PER1: variants seen among roughly 807,000 people sequenced by gnomAD.
The protein encoded by PER1 is period circadian protein homolog 1.
In PER1, 87 loss-of-function variants were observed where a neutral mutation model predicts 125.9. The ratio of observed to expected loss-of-function variants is 0.69; its 90% CI spans 0.58 to 0.83. The LOEUF (loss-of-function observed/expected upper bound fraction) is 0.83, where lower values mean the gene tolerates loss of function less well. PER1 is among the 40% of genes least tolerant of loss of function. PER1 has a pLI of 0.00. For missense variants in PER1, 1,775 were observed against 1,722.8 expected, an observed-to-expected ratio of 1.03 and a Z score of -0.54; for synonymous variants, 801 against 714.7, an observed-to-expected ratio of 1.12 and a Z score of -1.93.
Position 8,149,322 on chromosome 17 carries a change from A to G in PER1, c.854-12T>C. Reference sequence around the variant, plus strand: ...CCTGAGGCCTGAACCTGGGACAGACAGGAGAGGAGTGAGCACAGCTTCCTG... The same window carrying G: ...CCTGAGGCCTGAACCTGGGACAGACGGGAGAGGAGTGAGCACAGCTTCCTG... On this transcript the variant is annotated splice_polypyrimidine_tract_variant and intron_variant, in intron 6 of 22. Coordinates refer to ENST00000317276, the MANE Select transcript of PER1 (RefSeq NM_002616.3). 1 of 1,613,924 alleles carries G rather than the reference A, an allele frequency of 6.2e-7. No individual in the cohort carries two copies. Among genetic ancestry groups the G allele is most frequent in the Non-Finnish European group, 8.5e-7 (1 of 1,179,820 alleles).
chr17:8,144,711 C>T (rs1438599067), intron 18 of PER1, 40 bp downstream of exon 18: 19 of 1,542,980 alleles, frequency 1.2e-5, no homozygotes, highest in Non-Finnish European at 1.6e-5. Context: ...CAGTCCTAGA[C>T]TGGGCAGAGG....
chr17:8,147,093 G>A (rs1361312796), intron 13 of PER1, 91 bp from the exon 14 acceptor site: 3 of 1,393,894 alleles, frequency 2.2e-6, no homozygotes, highest in Non-Finnish European at 3.0e-6. Context: ...GTACCAGTGG[G>A]GAGGCACAGA....
At position 8,150,072 on chromosome 17, in the gene PER1, C is replaced by A; in HGVS notation, c.428G>T (p.Arg143Leu). The A allele has an allele frequency of 6.2e-7, 1 of 1,614,190 alleles. No individual in the cohort carries two copies. Among genetic ancestry groups the A allele is most frequent in the South Asian group, 1.1e-5 (1 of 91,076 alleles). Residue 143 changes from arginine (R) to leucine (L), a missense_variant, in exon 4 of 23, where the codon CGA becomes CTA. By Grantham distance (102) the Arg-to-Leu change is moderately radical. Transcript: ENST00000317276. ...RTQKELMTAL[R>L]ELKLRLPPER... is the part of the protein sequence containing the mutation. Reference sequence around the variant, plus strand: ...TGGCGGCAGTCGAAGCTTGAGCTCTCGAAGTGCTGTCATGAGTTCCTTCTG... The same window carrying A: ...TGGCGGCAGTCGAAGCTTGAGCTCTAGAAGTGCTGTCATGAGTTCCTTCTG...
rs557245033 is a variant in PER1, at chr17:8,140,721, A to C, written c.*347T>G. 12 of 265,610 alleles carry C rather than the reference A, an allele frequency of 4.5e-5. 1 individual carries two copies. The highest frequency in any genetic ancestry group is 2.4e-4 in the Admixed American group (5 of 20,808). The allele number at this position is 265,610 out of a possible 1,614,324, so 16.5% of individuals were successfully genotyped here. ...GAGAGAGAGCTGTCTCCCCGCAATAAATAAGTGCAGCCCCAACCCTCAAGA... is the reference window on the plus strand; with the variant it reads ...GAGAGAGAGCTGTCTCCCCGCAATACATAAGTGCAGCCCCAACCCTCAAGA... On this transcript the variant is annotated 3_prime_UTR_variant, in exon 23 of 23. Transcript: ENST00000317276.
chr17:8,144,675 CCCTT>C (rs1276351099), intron 18 of PER1, 72 bp downstream of exon 18: 61 of 1,528,660 alleles, frequency 4.0e-5, no homozygotes, highest in Non-Finnish European at 5.3e-5. Context: ...AGAAACACCT[CCCTT>C]AAGACCCACC....
chr17:8,143,222 G>A, intron 19 of PER1, 44 bp downstream of exon 19: 1 of 1,339,450 alleles, frequency 7.5e-7, no homozygotes, highest in Non-Finnish European at 9.9e-7. Flanking sequence ...GAGGGGCGGG[G>A]CTGGGGTGGG....
chr17:8,147,090 T>C, intron 13 of PER1, 88 bp from the exon 14 acceptor site: 1 of 1,388,982 alleles, frequency 7.2e-7, no homozygotes, highest in East Asian at 2.3e-5. Context: ...AAGGTACCAG[T>C]GGGGAGGCAC....
At position 8,146,114 on chromosome 17, in the gene PER1, C is replaced by T. The variant is rs1450442984; in HGVS notation, c.2062G>A (p.Gly688Arg). Residue 688 changes from glycine to arginine, a missense_variant, in exon 17 of 23, where the codon GGG (glycine) becomes AGG (arginine). Transcript: ENST00000317276. Reference protein sequence around the residue: ...KKDPPSAALSGEGATPRKEPV... With the variant: ...KKDPPSAALSREGATPRKEPV... ...TCCTTCCGTGGGGTGGCCCCCTCCC[C>T]AGACAGCGCTGCTGACGGCGGATCT... 1.2e-6 allele frequency: 2 copies of T among 1,609,130 alleles called. No individual in the cohort carries two copies. Among genetic ancestry groups the T allele is most frequent in the Non-Finnish European group, 8.5e-7 (1 of 1,177,620 alleles).
rs1160487335 is a variant in PER1, at chr17:8,143,297, C to T, written c.3041G>A (p.Ser1014Asn). 2 of 1,579,758 alleles carry T rather than the reference C, an allele frequency of 1.3e-6. No homozygotes were observed. Among genetic ancestry groups the T allele is most frequent in the Non-Finnish European group, 1.7e-6 (2 of 1,162,220 alleles). The change falls in exon 19 of 23, where the codon AGT (serine) becomes AAT (asparagine). Residue 1014 changes from serine (S) to asparagine (N), a missense_variant. By Grantham distance (46) the Ser-to-Asn change is conservative (BLOSUM62 1). Coordinates refer to ENST00000317276, the MANE Select transcript of PER1 (RefSeq NM_002616.3). ...PGSSAGPPPPSAEAAEPEARL... is the reference protein window; with the variant it reads ...PGSSAGPPPPNAEAAEPEARL... ...GGCCTCTGGCTCAGCAGCCTCCGCACTGGGAGGTGGGGGCCCGGCACTGCT... is the reference window on the plus strand; with the variant it reads ...GGCCTCTGGCTCAGCAGCCTCCGCATTGGGAGGTGGGGGCCCGGCACTGCT...
In PER1 at chr17:8,149,535, G is replaced by A; in HGVS notation, c.780C>T (p.Pro260=). 2.5e-6 allele frequency: 4 copies of A among 1,613,916 alleles called. No individual in the cohort carries two copies. The highest frequency in any genetic ancestry group is 1.1e-5 in the South Asian group (1 of 91,088). ...AACCATAGAAGACTCCCACATCCTGGGGAGCCAGGAGCTCAGAGAAGCGGG... is the reference window on the plus strand; with the variant it reads ...AACCATAGAAGACTCCCACATCCTGAGGAGCCAGGAGCTCAGAGAAGCGGG... The part of the protein sequence containing the change: ...RGTRFSELLA[P]QDVGVFYGST... The change falls in exon 6 of 23, where the codon CCC becomes CCT. Residue 260 remains proline (P), a synonymous_variant. Coordinates refer to ENST00000317276, the MANE Select transcript of PER1 (RefSeq NM_002616.3).
At position 8,150,055 on chromosome 17, in the gene PER1, G is replaced by C. The variant is rs1439771995; in HGVS notation, c.445C>G (p.Leu149Val). 5 of 1,614,090 alleles carry C rather than the reference G, an allele frequency of 3.1e-6. No homozygotes were observed. The highest frequency in any genetic ancestry group is 4.2e-6 in the Non-Finnish European group (5 of 1,180,052). ...CCCTTGCCCCGGCGCTCTGGCGGCA[G>C]TCGAAGCTTGAGCTCTCGAAGTGCT... is the stretch of plus-strand genomic sequence containing the variant. ...MTALRELKLR[L>V]PPERRGKGRS... Residue 149 changes from leucine to valine, a missense_variant, in exon 4 of 23, where the codon CTG becomes GTG. Transcript: ENST00000317276.
Position 8,141,408 on chromosome 17 carries a change from C to A in PER1, c.3601-68G>T, listed in dbSNP as rs1248918253. On this transcript the variant is annotated intron_variant, in intron 22 of 22. Transcript: ENST00000317276. ...CACTGCTAACCTGCCAGCGCAGCTT[C>A]CCACCCCCAGCCCACTGTGCTTCCC... 3.3e-6 allele frequency: 5 copies of A among 1,505,282 alleles called. 1 individual carries two copies. Among genetic ancestry groups the A allele is most frequent in the Non-Finnish European group, 3.6e-6 (4 of 1,121,960 alleles). The allele number at this position is 1,505,282 out of a possible 1,614,324, so 93.2% of individuals were successfully genotyped here.
In PER1 at chr17:8,146,391, G is replaced by C. The variant is rs752913347; in HGVS notation, c.2019C>G (p.Val673=). The stretch of plus-strand genomic sequence containing the variant: ...CTTTACCTTTCTTGGTCCCCACAGA[G>C]ACTGGACCTGTCCTCTGCCTGTCGT... The part of the protein sequence containing the change: ...SDDDRQRTGP[V]SVGTKKDPPS... The change falls in exon 16 of 23, where the codon GTC becomes GTG. Residue 673 remains valine (V), a synonymous_variant. Coordinates refer to ENST00000317276, the MANE Select transcript of PER1 (RefSeq NM_002616.3). 1 of 1,610,720 alleles carries C rather than the reference G, an allele frequency of 6.2e-7. No individual in the cohort carries two copies. Among genetic ancestry groups the C allele is most frequent in the Admixed American group, 1.7e-5 (1 of 59,726 alleles).
At chr17:8,145,841 GTCAAGGGAGGCCTCCTTCTCTCCA>G (rs1186470596) in intron 17 of PER1, 93 bp downstream of exon 17, 96 of 1,210,590 alleles carry the variant, frequency 7.9e-5, no homozygotes, top group Non-Finnish European at 1.1e-4. Flanking sequence ...CAAGCCCCAG[GTCAAGGGAGGCCTCCTTCTCTCCA>G]TCAGGCCCTA....
chr17:8,146,212 G>A (rs1258382371), intron 16 of PER1, 75 bp from the exon 17 acceptor site: 1 of 1,537,958 alleles, frequency 6.5e-7, no homozygotes, highest in Non-Finnish European at 8.8e-7. Context: ...CAGGGAAAAG[G>A]GGAAGGGGAT....
chr17:8,148,942 A>G, intron 7 of PER1, 156 bp from the exon 8 acceptor site: 1 of 849,536 alleles, frequency 1.2e-6, no homozygotes, highest in South Asian at 1.6e-5. Context: ...TAATCCCAGC[A>G]CTTTGGGAGG....
chr17:8,145,917 C>A (rs375588562), intron 17 of PER1, 41 bp downstream of exon 17: 2 of 1,544,576 alleles, frequency 1.3e-6, no homozygotes, highest in South Asian at 1.3e-5. Context: ...GCTGGGAGAC[C>A]GGTGGAGCCC....
chr17:8,150,446 A>G lies in PER1; in HGVS notation c.261T>C (p.Thr87=), dbSNP rs1269718440. The G allele has an allele frequency of 1.4e-5, 22 of 1,611,912 alleles. No homozygotes were observed. Among genetic ancestry groups the G allele is most frequent in the Non-Finnish European group, 1.9e-5 (22 of 1,178,836 alleles). ...TCCATACACACCTCTTGCTGCTCTC[A>G]GTGGTCTCCAGCAGGGCTGAGTCCT... The part of the protein sequence containing the change: ...NGKDSALLET[T]ESSKSTNSQS... The change falls in exon 2 of 23, where the codon ACT becomes ACC. Residue 87 remains threonine (T), a synonymous_variant. Transcript: ENST00000317276.
intron 4 of PER1, 40 bp downstream of exon 4, chr17:8,149,931 C>G: frequency 6.2e-7 from 1 of 1,613,848 alleles, no homozygotes; most frequent in Non-Finnish European, 8.5e-7. Context: ...AACACGGGAG[C>G]CCAGGCCCAG....
Sources: allele counts gnomAD v4.1 joint callset, GRCh38; gene constraint gnomAD v4.1.1; transcripts MANE v1.5; gene names NCBI Gene and HGNC (gene_info 2026-07-23, HGNC 2026-07-21).